The following FRMD4B variants were observed in gnomAD, a reference collection of about 807,000 sequenced individuals.
FRMD4B encodes FERM domain-containing protein 4B.
Under a neutral mutation model 141.5 loss-of-function variants are expected in FRMD4B, and 74 were observed. That is an observed-to-expected ratio of 0.52 (90% CI 0.43 to 0.63). The LOEUF (loss-of-function observed/expected upper bound fraction) is 0.63. Ranked by LOEUF, FRMD4B falls within the 30% of genes least tolerant of loss-of-function variation. The pLI, the probability that FRMD4B is intolerant of heterozygous loss-of-function variation, is 0.00. For synonymous variants in FRMD4B, 506 were observed against 467.9 expected (o/e 1.08, Z -1.05); for missense variants, 1,366 against 1,253.4 (o/e 1.09, Z -1.36).
chr3:69,539,694 G>A (rs1242429186), intron 1 of FRMD4B, among the ~76,000 whole-genome samples: 2 of 152,136 alleles, frequency 1.3e-5, no homozygotes, highest in Non-Finnish European at 2.9e-5. Context: ...CTGAATTTAA[G>A]CAAATAAAAT....
At chr3:69,307,800 C>T (rs1701443139) in intron 3 of FRMD4B, among the ~76,000 whole-genome samples, 1 of 152,126 alleles carries the variant, frequency 6.6e-6, no homozygotes, top group African/African-American at 2.4e-5. Flanking sequence ...TCTGAGGGAC[C>T]TCTGACACTG....
chr3:69,511,803 T>C (rs1344567966), intron 1 of FRMD4B, among the ~76,000 whole-genome samples: 2 of 152,202 alleles, frequency 1.3e-5, no homozygotes, highest in African/African-American at 4.8e-5. Context: ...CCCTGCCTAT[T>C]CTTACCCCAC....
At chr3:69,424,496 C>G (rs907707393) in intron 2 of FRMD4B, among the ~76,000 whole-genome samples, 1 of 152,154 alleles carries the variant, frequency 6.6e-6, no homozygotes, top group African/African-American at 2.4e-5. Context: ...TAGTCTGTCA[C>G]TTCTGAGTGG....
At chr3:69,371,138 G>A (rs1451276184) in intron 1 of FRMD4B, among the ~76,000 whole-genome samples, 3 of 4,224 alleles carry the variant, frequency 7.1e-4, no homozygotes. Flanking sequence ...GGTGACATTT[G>A]AAGAGACCTA....
chr3:69,323,887 T>C (rs948656946), intron 1 of FRMD4B, among the ~76,000 whole-genome samples: 1 of 152,014 alleles, frequency 6.6e-6, no homozygotes, highest in African/African-American at 2.4e-5. Context: ...ATACATCCTA[T>C]ATATTAAATC....
chr3:69,445,491 T>C (rs1344557201), intron 1 of FRMD4B, among the ~76,000 whole-genome samples: 1 of 152,194 alleles, frequency 6.6e-6, no homozygotes, highest in Non-Finnish European at 1.5e-5. Context: ...TCTCATTCAT[T>C]AAACCCCCTG....
intron 1 of FRMD4B, among the ~76,000 whole-genome samples, chr3:69,357,507 G>C (rs1307253322): frequency 2.6e-5 from 4 of 152,186 alleles, no homozygotes; most frequent in Non-Finnish European, 5.9e-5. Flanking sequence ...TAACTGGTGA[G>C]CTTGTACATA....
At chr3:69,353,624 G>C (rs773022213) in intron 1 of FRMD4B, 9 of 984,844 alleles carry the variant, frequency 9.1e-6, no homozygotes, top group Non-Finnish European at 1.1e-5. Flanking sequence ...TTAAGCACTT[G>C]TGCGGTGTGT....
rs138558572 is a variant in FRMD4B at position 69,509,228 on chromosome 3, T to G, written c.-129+32978A>C. ...TCAAGGAAGGAGAGATTCTGACCAT[T>G]TTATTACCTCCCCTGGAACGGAAGC... On this transcript the variant is annotated intron_variant, in intron 1 of 5. Coordinates refer to the FRMD4B transcript ENST00000459638. Among the ~76,000 whole-genome samples the G allele has an allele frequency of 2.6e-5, 4 of 152,250 alleles. No homozygotes were observed. In the East Asian group the frequency reaches 7.7e-4, roughly 29 times the overall value.
intron 1 of FRMD4B, among the ~76,000 whole-genome samples, chr3:69,437,058 G>A (rs956090867): frequency 3.9e-5 from 6 of 152,116 alleles, no homozygotes; most frequent in Middle Eastern, 3.4e-3. Context: ...GAGATGAATC[G>A]TGGTAGTGGT....
At chr3:69,454,904 G>A (rs1705565414) in intron 1 of FRMD4B, among the ~76,000 whole-genome samples, 2 of 152,264 alleles carry the variant, frequency 1.3e-5, no homozygotes, top group Admixed American at 1.3e-4. Flanking sequence ...ATCGGGTGGG[G>A]ACTTGGAGAA....
At position 69,237,324 on chromosome 3, in the gene FRMD4B, CTTTAAACCTTTCTTGA is replaced by C. The variant is rs573771878; in HGVS notation, c.581+11886_581+11901del. 3.0e-4 allele frequency among the ~76,000 whole-genome samples: 46 copies of C among 152,220 alleles called. No homozygotes were observed. The Middle Eastern group carries it at 0.01, about 34-fold the overall frequency. On this transcript the variant is annotated intron_variant, in intron 7 of 22. Coordinates refer to ENST00000398540, the MANE Select transcript of FRMD4B (RefSeq NM_015123.3). ...TTCATTTTTGGAATTTCCTCCCTAC[CTTTAAACCTTTCTTGA>C]TTTAAACCTTTCTTGATCAGACCTT...
chr3:69,303,881 GC>G (rs1330449245), intron 3 of FRMD4B, among the ~76,000 whole-genome samples: 2 of 152,130 alleles, frequency 1.3e-5, no homozygotes, highest in African/African-American at 4.8e-5. Flanking sequence ...GCTGCAGTGA[GC>G]CGTGATCATG....
At chr3:69,509,257 C>T (rs911122541) in intron 1 of FRMD4B, among the ~76,000 whole-genome samples, 1 of 152,186 alleles carries the variant, frequency 6.6e-6, no homozygotes, top group Admixed American at 6.5e-5. Context: ...CGGAAGCGAT[C>T]GCTTGCAGTG....
At chr3:69,346,246 A>C (rs1702937254) in intron 1 of FRMD4B, among the ~76,000 whole-genome samples, 1 of 152,122 alleles carries the variant, frequency 6.6e-6, no homozygotes, top group Admixed American at 6.6e-5. Context: ...TGAAGATTAA[A>C]TGAATGAAAT....
intron 11 of FRMD4B, among the ~76,000 whole-genome samples, chr3:69,207,090 G>C (rs910147766): frequency 3.0e-4 from 46 of 151,422 alleles, no homozygotes; most frequent in African/African-American, 1.1e-3. Context: ...ATCACTTGAG[G>C]CCATGAGTTC....
intron 11 of FRMD4B, among the ~76,000 whole-genome samples, chr3:69,207,624 A>G (rs964566794): frequency 1.3e-5 from 2 of 152,112 alleles, no homozygotes; most frequent in Non-Finnish European, 2.9e-5. Context: ...CTTGGCCAAC[A>G]TGGTGAAACC....
At chr3:69,448,645 G>A (rs924837374) in intron 1 of FRMD4B, among the ~76,000 whole-genome samples, 4 of 152,124 alleles carry the variant, frequency 2.6e-5, no homozygotes, top group Non-Finnish European at 5.9e-5. Flanking sequence ...ATTTTCGGGG[G>A]CTTATTGCTC....
At chr3:69,459,624 C>T (rs2106916154) in intron 1 of FRMD4B, among the ~76,000 whole-genome samples, 1 of 152,338 alleles carries the variant, frequency 6.6e-6, no homozygotes, top group East Asian at 1.9e-4. Context: ...GAAATCTTGG[C>T]TTCACCATTA....
Sources: gnomAD v4.1 joint callset for allele counts (sites outside exome capture counted in the v4.1 genomes callset) on GRCh38, gnomAD v4.1.1 for gene constraint, MANE v1.5 for transcripts, NCBI Gene and HGNC (gene_info 2026-07-23, HGNC 2026-07-21) for gene names.